The following ARHGEF28 variants were observed in gnomAD, a reference collection of about 807,000 sequenced individuals.
ARHGEF28 encodes the protein Rho guanine nucleotide exchange factor 28.
Under a neutral mutation model 206.6 loss-of-function variants are expected in ARHGEF28, and 152 were observed. The ratio of observed to expected loss-of-function variants is 0.74; its 90% CI spans 0.64 to 0.84. ARHGEF28 has a LOEUF of 0.84. Ranked by LOEUF, ARHGEF28 falls within the 40% of genes least tolerant of loss-of-function variation. The pLI is 0.00. For missense variants in ARHGEF28, 2,028 were observed against 2,073.2 expected, an observed-to-expected ratio of 0.98 and a Z score of 0.42; for synonymous variants, 763 against 776.4, an observed-to-expected ratio of 0.98 and a Z score of 0.29.
chr5:73,902,891 G>A (rs1354179525), intron 31 of ARHGEF28: 5 of 152,166 alleles, frequency 3.3e-5, no homozygotes, highest in African/African-American at 1.2e-4. Context: ...TGTGCCATAT[G>A]GTCTTACTAC....
At chr5:73,909,221 G>A (rs899618011) in intron 33 of ARHGEF28, 191 bp from the exon 34 acceptor site, 1 of 690,932 alleles carries the variant, frequency 1.4e-6, no homozygotes, top group Non-Finnish European at 2.3e-6. Flanking sequence ...CTACCCCTAG[G>A]ACAGATGTAG....
chr5:73,729,221 G>A (rs1750462432), intron 2 of ARHGEF28, among the ~76,000 whole-genome samples: 2 of 152,166 alleles, frequency 1.3e-5, no homozygotes, highest in Admixed American at 6.5e-5. Context: ...TTCCTCATTT[G>A]TCAAATGAGG....
intron 9 of ARHGEF28, among the ~76,000 whole-genome samples, chr5:73,798,634 T>G (rs1754964521): frequency 6.6e-6 from 1 of 151,964 alleles, no homozygotes. Flanking sequence ...TAGTGCAGAG[T>G]GGGACTCCTT....
chr5:73,878,993 T>G (rs992146111), intron 22 of ARHGEF28, among the ~76,000 whole-genome samples: 16 of 152,192 alleles, frequency 1.1e-4, no homozygotes, highest in African/African-American at 3.6e-4. Context: ...TTGGGGAAGT[T>G]CTCCTGGATA....
At chr5:73,869,777 A>G (rs1010567924) in intron 20 of ARHGEF28, among the ~76,000 whole-genome samples, 17 of 152,094 alleles carry the variant, frequency 1.1e-4, no homozygotes, top group Admixed American at 2.0e-4. Context: ...GTGTGGTGGC[A>G]CATGCCTGTA....
At chr5:73,734,772 A>G (rs543116556) in intron 2 of ARHGEF28, among the ~76,000 whole-genome samples, 32 of 152,340 alleles carry the variant, frequency 2.1e-4, no homozygotes, top group Middle Eastern at 3.4e-3. Flanking sequence ...AACTGTCTTC[A>G]GGATAAAAAT....
At position 73,783,345 on chromosome 5, in the gene ARHGEF28, A is replaced by AGTGTGTGTGTGTGT. The variant is rs57320048; in HGVS notation, c.910+2627_910+2640dup. 3.3e-3 allele frequency among the ~76,000 whole-genome samples: 484 copies of AGTGTGTGTGTGTGT among 145,910 alleles called. 3 individuals are homozygous for AGTGTGTGTGTGTGT. The highest frequency in any genetic ancestry group is 5.3e-3 in the Non-Finnish European group (352 of 66,386). On this transcript the variant is annotated intron_variant, in intron 7 of 35. Transcript: ENST00000513042. ...AGCTCATTTTGAAGCCCTGGAATAT[A>AGTGTGTGTGTGTGT]GTGTGTGTGTGTGTGTGTGTGTGTG...
intron 1 of ARHGEF28, among the ~76,000 whole-genome samples, chr5:73,665,269 T>C (rs1341017214): frequency 3.3e-5 from 5 of 152,208 alleles, no homozygotes; most frequent in Admixed American, 6.5e-5. Context: ...AAACATATCA[T>C]TGAGGTACAG....
In ARHGEF28 at chr5:73,707,159, C is replaced by A. The variant is rs114318900; in HGVS notation, c.33+22275C>A. Among the ~76,000 whole-genome samples the A allele has an allele frequency of 3.0e-3, 454 of 152,316 alleles. 3 individuals carry two copies. The highest frequency in any genetic ancestry group is 4.8e-3 in the Non-Finnish European group (328 of 68,030). Reference sequence around the variant, plus strand: ...CAGAAGTAAAGCATCACATGCTCTACCCTACGCGAGCAGCTGGCTAGAGTG... The same window carrying A: ...CAGAAGTAAAGCATCACATGCTCTAACCTACGCGAGCAGCTGGCTAGAGTG... On this transcript the variant is annotated intron_variant, in intron 2 of 35. Coordinates refer to ENST00000513042, the MANE Select transcript of ARHGEF28 (RefSeq NM_001177693.2).
chr5:73,810,426 C>T (rs1755775154), intron 9 of ARHGEF28, among the ~76,000 whole-genome samples: 1 of 152,194 alleles, frequency 6.6e-6, no homozygotes, highest in Non-Finnish European at 1.5e-5. Flanking sequence ...TGTCTGGAAT[C>T]TCAGCTAATA....
intron 2 of ARHGEF28, among the ~76,000 whole-genome samples, chr5:73,731,194 G>A (rs542294171): frequency 6.6e-6 from 1 of 152,172 alleles, no homozygotes; most frequent in East Asian, 1.9e-4. Context: ...GTAGTTATGT[G>A]TGCTTTCATT....
chr5:73,897,585 A>G (rs893942961), intron 29 of ARHGEF28, among the ~76,000 whole-genome samples: 1 of 152,252 alleles, frequency 6.6e-6, no homozygotes, highest in Admixed American at 6.5e-5. Context: ...TAGGCATACC[A>G]GTTTACTGAA....
chr5:73,845,986 C>CAAAA (rs57600570), intron 11 of ARHGEF28, among the ~76,000 whole-genome samples: 73 of 63,580 alleles, frequency 1.1e-3, no homozygotes, highest in Middle Eastern at 0.02. Context: ...AAAACTGTCT[C>CAAAA]AAAAAAAAAA....
intron 2 of ARHGEF28, among the ~76,000 whole-genome samples, chr5:73,715,742 G>T (rs375623181): frequency 1.1e-3 from 172 of 152,320 alleles, no homozygotes; most frequent in African/African-American, 4.0e-3. Context: ...AGAACAAAGT[G>T]CTACTATCGT....
chr5:73,845,226 C>T (rs62359661), intron 11 of ARHGEF28, among the ~76,000 whole-genome samples: 2,274 of 152,162 alleles, frequency 0.015, 12 homozygotes, highest in Non-Finnish European at 0.025. Context: ...ACCGTGTTAG[C>T]CAGGATGGTC....
At chr5:73,936,731 C>T (rs1352887810) in intron 35 of ARHGEF28, among the ~76,000 whole-genome samples, 1 of 152,120 alleles carries the variant, frequency 6.6e-6, no homozygotes, top group Admixed American at 6.6e-5. Flanking sequence ...ATTATTTTTA[C>T]TTTTATTTTT....
intron 35 of ARHGEF28, among the ~76,000 whole-genome samples, chr5:73,934,586 A>G (rs1434698620): frequency 6.6e-6 from 1 of 152,186 alleles, no homozygotes; most frequent in Admixed American, 6.5e-5. Flanking sequence ...CATCTTGACC[A>G]TTTATTGTCT....
At chr5:73,813,564 CT>C in intron 9 of ARHGEF28, 1 of 1,535,292 alleles carries the variant, frequency 6.5e-7, no homozygotes, top group South Asian at 1.2e-5. Context: ...ACTGTTTCAT[CT>C]GTTGATTTCA....
intron 9 of ARHGEF28, among the ~76,000 whole-genome samples, chr5:73,830,600 G>A (rs1757237389): frequency 2.0e-5 from 3 of 151,100 alleles, no homozygotes; most frequent in South Asian, 2.1e-4. Flanking sequence ...CTTTAACATC[G>A]TATGTTTCCT....
Sources: gnomAD v4.1 joint callset for allele counts (sites outside exome capture counted in the v4.1 genomes callset) on GRCh38, gnomAD v4.1.1 for gene constraint, MANE v1.5 for transcripts, NCBI Gene and HGNC (gene_info 2026-07-23, HGNC 2026-07-21) for gene names.